Variants in SPMIP7 observed in about 807,000 individuals in gnomAD.
SPMIP7 encodes sperm microtubule inner protein 7.
At chr7:50,122,440 T>G in the SPMIP7 span, among the ~76,000 whole-genome samples, 1 of 141,042 alleles carries the variant, frequency 7.1e-6, no homozygotes, top group African/African-American at 2.7e-5. Flanking sequence ...GACTTAAACG[T>G]TAGACCTAAA....
chr7:50,107,855 G>T, the SPMIP7 span, among the ~76,000 whole-genome samples: 1 of 152,164 alleles, frequency 6.6e-6, no homozygotes, highest in Non-Finnish European at 1.5e-5. Context: ...AGCACCAAGA[G>T]TAGTGGCAGA....
chr7:50,144,432 G>T, the SPMIP7 span, among the ~76,000 whole-genome samples: 1 of 152,124 alleles, frequency 6.6e-6, no homozygotes, highest in Non-Finnish European at 1.5e-5. Context: ...ATATGCACTA[G>T]ATATTTTTGC....
At chr7:50,110,815 T>A in the SPMIP7 span, among the ~76,000 whole-genome samples, 1 of 132,372 alleles carries the variant, frequency 7.6e-6, no homozygotes, top group South Asian at 2.2e-4. Context: ...ATATATAATA[T>A]AATATATAAT....
the SPMIP7 span, among the ~76,000 whole-genome samples, chr7:50,108,339 T>C: frequency 0.78 from 118,207 of 151,970 alleles, 46,083 homozygotes; most frequent in East Asian, 0.88. Flanking sequence ...AATTTGAGTA[T>C]CTGGAAATGA....
chr7:50,145,264 T>C, the SPMIP7 span, among the ~76,000 whole-genome samples: 2 of 146,742 alleles, frequency 1.4e-5, no homozygotes, highest in Non-Finnish European at 3.0e-5. Context: ...GTCTCAAAAA[T>C]GAAAAAAAAA....
At chr7:50,147,830 G>A in the SPMIP7 span, among the ~76,000 whole-genome samples, 1 of 152,106 alleles carries the variant, frequency 6.6e-6, no homozygotes, top group African/African-American at 2.4e-5. Flanking sequence ...TTGGAACTAG[G>A]GAGTACAAAA....
chr7:50,139,786 C>A, the SPMIP7 span, among the ~76,000 whole-genome samples: 3 of 152,152 alleles, frequency 2.0e-5, no homozygotes, highest in Non-Finnish European at 4.4e-5. Flanking sequence ...CAGAAACAAC[C>A]AAGATGCCCT....
the SPMIP7 span, among the ~76,000 whole-genome samples, chr7:50,108,457 C>T: frequency 2.0e-5 from 3 of 152,056 alleles, no homozygotes; most frequent in Non-Finnish European, 4.4e-5. Flanking sequence ...CTAGATTCCC[C>T]TGAAAGATTA....
At chr7:50,158,818 T>C in the SPMIP7 span, among the ~76,000 whole-genome samples, 8 of 151,934 alleles carry the variant, frequency 5.3e-5, no homozygotes, top group Non-Finnish European at 8.8e-5. Context: ...CTTGGGCGGC[T>C]TTCTGCAGAT....
the SPMIP7 span, among the ~76,000 whole-genome samples, chr7:50,110,651 A>C: frequency 4.4e-5 from 6 of 137,358 alleles, no homozygotes; most frequent in East Asian, 1.2e-3. Context: ...AATATATTAT[A>C]TAATGTGTGT....
the SPMIP7 span, among the ~76,000 whole-genome samples, chr7:50,101,024 A>T: frequency 6.6e-6 from 1 of 151,736 alleles, no homozygotes; most frequent in East Asian, 1.9e-4. Flanking sequence ...ACACTGTATG[A>T]TTTTAACCTT....
At chr7:50,119,785 T>C in the SPMIP7 span, among the ~76,000 whole-genome samples, 3 of 152,258 alleles carry the variant, frequency 2.0e-5, no homozygotes, top group African/African-American at 7.2e-5. Flanking sequence ...CATTGAATAC[T>C]CAAGATTTGG....
chr7:50,106,194 C>A, the SPMIP7 span, among the ~76,000 whole-genome samples: 1 of 152,122 alleles, frequency 6.6e-6, no homozygotes. Flanking sequence ...ACTGGGCCAA[C>A]AAGAGGATAG....
chr7:50,147,349 A>C, the SPMIP7 span, among the ~76,000 whole-genome samples: 1 of 152,184 alleles, frequency 6.6e-6, no homozygotes, highest in Non-Finnish European at 1.5e-5. Context: ...ACTGAGGTCC[A>C]GTTCTACCAC....
the SPMIP7 span, among the ~76,000 whole-genome samples, chr7:50,155,101 A>G: frequency 6.6e-6 from 1 of 152,328 alleles, no homozygotes; most frequent in East Asian, 1.9e-4. Context: ...CCCTTATCAA[A>G]TATATGGTTC....
the SPMIP7 span, among the ~76,000 whole-genome samples, chr7:50,124,197 A>G: frequency 8.5e-5 from 13 of 152,204 alleles, no homozygotes; most frequent in Non-Finnish European, 1.6e-4. Context: ...CCTAACAATC[A>G]TAAATGTATA....
the SPMIP7 span, among the ~76,000 whole-genome samples, chr7:50,156,300 T>C: frequency 7.0e-6 from 1 of 143,414 alleles, no homozygotes; most frequent in African/African-American, 3.0e-5. Flanking sequence ...CTCTCTCTGA[T>C]GAGTGTCATG....
chr7:50,102,788 T>G, the SPMIP7 span, among the ~76,000 whole-genome samples: 1 of 152,010 alleles, frequency 6.6e-6, no homozygotes, highest in African/African-American at 2.4e-5. Context: ...TGTTAACTAA[T>G]AAAAATGTTG....
At chr7:50,115,783 T>G in the SPMIP7 span, among the ~76,000 whole-genome samples, 1 of 152,188 alleles carries the variant, frequency 6.6e-6, no homozygotes, top group Non-Finnish European at 1.5e-5. Flanking sequence ...TCTACTCATC[T>G]CAAGATATGA....
Sources: allele counts gnomAD v4.1 joint callset (sites outside exome capture counted in the v4.1 genomes callset), GRCh38; gene constraint gnomAD v4.1.1; transcripts MANE v1.5; gene names NCBI Gene and HGNC (gene_info 2026-07-23, HGNC 2026-07-21).